Variants in PPP2R2B observed in about 807,000 individuals in gnomAD.
PPP2R2B encodes the protein protein phosphatase 2 regulatory subunit Bbeta.
Under a neutral mutation model 46.0 loss-of-function variants are expected in PPP2R2B, and 5 were observed. The observed-to-expected ratio is 0.11, with a 90% confidence interval of 0.06 to 0.23. The LOEUF is 0.23. Among genes scored for constraint, PPP2R2B ranks in the 10% least tolerant of loss-of-function variants. PPP2R2B has a pLI of 1.00. For missense variants in PPP2R2B, 367 were observed against 575.0 expected, an observed-to-expected ratio of 0.64 and a Z score of 3.70; for synonymous variants, 215 against 206.7, an observed-to-expected ratio of 1.04 and a Z score of -0.34.
chr5:146,878,013 T>C lies in PPP2R2B; in HGVS notation c.59A>G (p.Tyr20Cys). ...GGGGCTGGCGTTACCTTCGGTCGCA[T>C]AGCTGTGGTCGCGCAGGAAACTGTT... Reference protein sequence around the residue: ...INNSFLRDHSYATEADIISTV... With the variant: ...INNSFLRDHSCATEADIISTV... Residue 20 changes from tyrosine to cysteine, a missense_variant, in exon 2 of 10, where the codon TAT (tyrosine) becomes TGT (cysteine). Physicochemically the swap from Tyr to Cys is radical, Grantham distance 194. Coordinates refer to ENST00000394411, the MANE Select transcript of PPP2R2B (RefSeq NM_181675.4). The surrounding 1 kb of genome is among the most constrained non-coding windows in gnomAD (Gnocchi z 4.5). 1 of 1,613,850 alleles carries C rather than the reference T, an allele frequency of 6.2e-7. No individual in the cohort carries two copies. Among genetic ancestry groups the C allele is most frequent in the Non-Finnish European group, 8.5e-7 (1 of 1,179,838 alleles).
intron 2 of PPP2R2B, chr5:146,707,310 C>G (rs1363477518): frequency 7.9e-7 from 1 of 1,266,808 alleles, no homozygotes; most frequent in Non-Finnish European, 1.1e-6. Context: ...AGGAGGCAAA[C>G]TTGTTGTTGA....
intron 2 of PPP2R2B, among the ~76,000 whole-genome samples, chr5:146,836,236 A>T (rs1759275676): frequency 6.6e-6 from 1 of 152,038 alleles, no homozygotes; most frequent in African/African-American, 2.4e-5. Flanking sequence ...TGTTTGAAAA[A>T]AATTCTACCT....
intron 2 of PPP2R2B, among the ~76,000 whole-genome samples, chr5:146,767,321 T>G (rs1159555474): frequency 6.6e-6 from 1 of 152,134 alleles, no homozygotes; most frequent in Non-Finnish European, 1.5e-5. Flanking sequence ...TTTCATTTAA[T>G]TCATACTTTG....
At chr5:146,934,555 T>C (rs1764076768) in intron 1 of PPP2R2B, among the ~76,000 whole-genome samples, 1 of 120,558 alleles carries the variant, frequency 8.3e-6, no homozygotes, top group East Asian at 2.6e-4. Context: ...TGAGGTGTCC[T>C]AGAGTTAGAA....
chr5:146,978,843 G>A (rs925015398), intron 1 of PPP2R2B, among the ~76,000 whole-genome samples: 2 of 152,066 alleles, frequency 1.3e-5, no homozygotes, highest in African/African-American at 4.8e-5. Context: ...GGATTGTCTT[G>A]GTTATATGGA....
chr5:147,054,044 A>G (rs1756956021), intron 1 of PPP2R2B, among the ~76,000 whole-genome samples: 1 of 152,264 alleles, frequency 6.6e-6, no homozygotes. Flanking sequence ...TGGGTGAAGC[A>G]GAAATTGTTT....
At chr5:146,619,854 T>G (rs1159241737) in intron 7 of PPP2R2B, among the ~76,000 whole-genome samples, 3 of 152,190 alleles carry the variant, frequency 2.0e-5, no homozygotes, top group African/African-American at 7.2e-5. Flanking sequence ...TGGACAATCT[T>G]GGCCCACTGC....
intron 5 of PPP2R2B, among the ~76,000 whole-genome samples, chr5:146,664,595 G>C (rs1353917568): frequency 6.6e-6 from 1 of 151,542 alleles, no homozygotes; most frequent in South Asian, 2.1e-4. Flanking sequence ...AGTCATCTAC[G>C]AGAGTTGGAA....
intron 2 of PPP2R2B, among the ~76,000 whole-genome samples, chr5:146,719,764 T>G (rs1287078375): frequency 7.3e-6 from 1 of 137,554 alleles, no homozygotes; most frequent in Non-Finnish European, 1.6e-5. Context: ...ATTGCAGTAT[T>G]AGCCCACACA....
chr5:146,645,374 C>T (rs1485093320), intron 6 of PPP2R2B, among the ~76,000 whole-genome samples: 1 of 152,116 alleles, frequency 6.6e-6, no homozygotes, highest in Non-Finnish European at 1.5e-5. Context: ...AAAAAAAAGT[C>T]AATGTGTAAA....
At chr5:146,857,525 A>T (rs905661367) in intron 2 of PPP2R2B, among the ~76,000 whole-genome samples, 2 of 152,182 alleles carry the variant, frequency 1.3e-5, no homozygotes, top group Admixed American at 1.3e-4. Flanking sequence ...CAGAAAAAGA[A>T]TCCAACCTAA....
chr5:146,862,025 C>T (rs1023264268), intron 2 of PPP2R2B, among the ~76,000 whole-genome samples: 5 of 152,076 alleles, frequency 3.3e-5, no homozygotes, highest in Non-Finnish European at 5.9e-5. Context: ...AAAGAACACA[C>T]GCATAAACAC....
chr5:147,047,150 C>T (rs924141239), intron 1 of PPP2R2B, among the ~76,000 whole-genome samples: 1 of 151,976 alleles, frequency 6.6e-6, no homozygotes, highest in African/African-American at 2.4e-5. Flanking sequence ...TATCAAAACA[C>T]ACAAGCATAG....
rs149995987 is a variant in PPP2R2B at position 146,939,939 on chromosome 5, C to T, written c.79+115726G>A. Reference sequence around the variant, plus strand: ...GTTTATAGAGTTTGGCTTGTCATTGCTTTTTGTCAGCTCTGCAAGGTTTGA... The same window carrying T: ...GTTTATAGAGTTTGGCTTGTCATTGTTTTTTGTCAGCTCTGCAAGGTTTGA... On this transcript the variant is annotated intron_variant, in intron 1 of 8. Transcript: ENST00000336640. Among the ~76,000 whole-genome samples the T allele has an allele frequency of 2.1e-3, 313 of 152,172 alleles. 4 individuals carry two copies. The highest frequency in any genetic ancestry group is 7.2e-3 in the African/African-American group (299 of 41,542).
intron 9 of PPP2R2B, 37 bp from the exon 10 acceptor site, chr5:146,590,263 A>ACTGT (rs201489833): frequency 0.019 from 30,169 of 1,593,628 alleles, 359 homozygotes; most frequent in Non-Finnish European, 0.022. Flanking sequence ...ACATATCTTC[A>ACTGT]CTGTCTTTTC....
chr5:146,829,717 G>A (rs1317939105), intron 2 of PPP2R2B, among the ~76,000 whole-genome samples: 3 of 152,186 alleles, frequency 2.0e-5, no homozygotes, highest in Non-Finnish European at 4.4e-5. Context: ...AAACCAGGAT[G>A]TCTCAAACTA....
chr5:146,975,505 T>C (rs1582529833), intron 1 of PPP2R2B, among the ~76,000 whole-genome samples: 2 of 152,230 alleles, frequency 1.3e-5, no homozygotes, highest in Non-Finnish European at 2.9e-5. Flanking sequence ...GCTTTTAATT[T>C]TTTTTGGCTA....
intron 6 of PPP2R2B, among the ~76,000 whole-genome samples, chr5:146,643,065 A>G (rs1408341073): frequency 6.6e-6 from 1 of 152,154 alleles, no homozygotes; most frequent in Non-Finnish European, 1.5e-5. Flanking sequence ...TTGAAAAACA[A>G]AACAAAAACT....
chr5:146,878,273 C>A lies in PPP2R2B; in HGVS notation c.-124-78G>T. 6.8e-7 allele frequency: 1 copy of A among 1,467,846 alleles called. No individual in the cohort carries two copies. The allele number at this position is 1,467,846 out of a possible 1,614,324, so 90.9% of individuals were successfully genotyped here. A position where few individuals can be genotyped will look rare whatever the true frequency, so the allele number is the denominator to read the frequency against. On this transcript the variant is annotated intron_variant, in intron 1 of 9. Transcript: ENST00000394411. The surrounding 1 kb of genome is among the most constrained non-coding windows in gnomAD (Gnocchi z 4.5). ...AGCTGTCACCTCCTCCACTCGGGTT[C>A]TGCGAGGCTGCGGCGGCTCCTCCCG...
Sources: allele counts gnomAD v4.1 joint callset (sites outside exome capture counted in the v4.1 genomes callset), GRCh38; gene constraint gnomAD v4.1.1; non-coding constraint Gnocchi (gnomAD v3.1); transcripts MANE v1.5; gene names NCBI Gene and HGNC (gene_info 2026-07-23, HGNC 2026-07-21).